The following UBE2R2 variants were observed in gnomAD, a reference collection of about 807,000 sequenced individuals.
UBE2R2 encodes ubiquitin conjugating enzyme E2 R2, also known as ubiquitin-conjugating enzyme E2 R2.
A neutral mutation model predicts 27.8 loss-of-function variants in UBE2R2; 1 was observed. That is an observed-to-expected ratio of 0.04 (90% CI 0.01 to 0.17). UBE2R2 has a LOEUF of 0.17. Ranked by LOEUF, UBE2R2 falls within the 10% of genes least tolerant of loss-of-function variation. The probability of loss-of-function intolerance (pLI) is 1.00; values close to 1 mark genes in which losing one functional copy is unlikely to be tolerated. For missense variants in UBE2R2, 100 were observed against 291.0 expected (o/e 0.34, Z 4.78); for synonymous variants, 106 against 113.3 (o/e 0.94, Z 0.41).
At chr9:33,848,550 G>T (rs1156853484) in intron 1 of UBE2R2, among the ~76,000 whole-genome samples, 1 of 151,972 alleles carries the variant, frequency 6.6e-6, no homozygotes, top group African/African-American at 2.4e-5. Context: ...AGTTTCAAAA[G>T]ACTACAGAAG....
At chr9:33,916,709 A>G (rs1587488176) in intron 4 of UBE2R2, among the ~76,000 whole-genome samples, 1 of 152,312 alleles carries the variant, frequency 6.6e-6, no homozygotes, top group East Asian at 1.9e-4. Context: ...TCGCCGACCT[A>G]TTGGCCCTTA....
intron 1 of UBE2R2, among the ~76,000 whole-genome samples, chr9:33,861,909 A>T (rs1342207532): frequency 7.3e-6 from 1 of 136,274 alleles, no homozygotes; most frequent in Non-Finnish European, 1.5e-5. Context: ...GCTGGAGTGC[A>T]GTGGCACGAT....
At chr9:33,844,096 T>C (rs919323980) in intron 1 of UBE2R2, among the ~76,000 whole-genome samples, 15 of 152,220 alleles carry the variant, frequency 9.9e-5, no homozygotes, top group African/African-American at 3.6e-4. Context: ...TACCTGCTGA[T>C]GAATAATACA....
intron 1 of UBE2R2, among the ~76,000 whole-genome samples, chr9:33,849,160 G>A (rs988952724): frequency 2.6e-5 from 4 of 152,092 alleles, no homozygotes; most frequent in African/African-American, 9.7e-5. Context: ...GGGAGGCTGA[G>A]ACAGGAGAAT....
chr9:33,872,853 C>T (rs957749583), intron 1 of UBE2R2, among the ~76,000 whole-genome samples: 1 of 151,604 alleles, frequency 6.6e-6, no homozygotes, highest in Non-Finnish European at 1.5e-5. Flanking sequence ...AGTACACTTG[C>T]TTAACGGTTT....
At chr9:33,819,154 T>TC (rs1245256806) in intron 1 of UBE2R2, among the ~76,000 whole-genome samples, 1 of 152,130 alleles carries the variant, frequency 6.6e-6, no homozygotes, top group Non-Finnish European at 1.5e-5. Flanking sequence ...GGCCAGTGAG[T>TC]CAATTTTAGT....
rs1352211625 is a variant in UBE2R2 at position 33,919,951 on chromosome 9, CCTTTT to C, written c.*2715_*2719del. ...GATTCTTTCAGTCTTCCCCCCTTCTCCTTTTATCAATCATTCCAGAGTTATTTTCT... is the reference window on the plus strand; with the variant it reads ...GATTCTTTCAGTCTTCCCCCCTTCTCATCAATCATTCCAGAGTTATTTTCT... On this transcript the variant is annotated 3_prime_UTR_variant, in exon 5 of 5. Transcript: ENST00000263228. The C allele has an allele frequency of 1.3e-5, 2 of 152,188 alleles. No individual in the cohort carries two copies. The highest frequency in any genetic ancestry group is 2.9e-5 in the Non-Finnish European group (2 of 68,030). The allele number at this position is 152,188 out of a possible 1,614,324, so 9.4% of individuals were successfully genotyped here. A position where few individuals can be genotyped will look rare whatever the true frequency, so the allele number is the denominator to read the frequency against.
intron 1 of UBE2R2, among the ~76,000 whole-genome samples, chr9:33,874,108 C>T (rs888341355): frequency 4.6e-5 from 7 of 151,848 alleles, no homozygotes; most frequent in South Asian, 2.1e-4. Flanking sequence ...CTGCCATGCC[C>T]GGCTAATTTT....
chr9:33,895,303 G>A (rs765905394), intron 2 of UBE2R2, among the ~76,000 whole-genome samples: 1 of 152,112 alleles, frequency 6.6e-6, no homozygotes, highest in Non-Finnish European at 1.5e-5. Flanking sequence ...TTATTGAAGA[G>A]TCTGTTTTTT....
intron 1 of UBE2R2, among the ~76,000 whole-genome samples, chr9:33,871,618 A>C (rs1463307381): frequency 6.6e-6 from 1 of 152,248 alleles, no homozygotes; most frequent in African/African-American, 2.4e-5. Flanking sequence ...ATTAGTCAAA[A>C]AAGATGTAAG....
chr9:33,911,905 A>G, intron 3 of UBE2R2, 59 bp from the exon 4 acceptor site: 2 of 1,483,070 alleles, frequency 1.3e-6, no homozygotes, highest in South Asian at 1.4e-5. Context: ...AAAAAGCAGA[A>G]TACTTTTAAA....
intron 1 of UBE2R2, among the ~76,000 whole-genome samples, chr9:33,876,271 G>A (rs1348318046): frequency 2.6e-5 from 4 of 152,148 alleles, no homozygotes; most frequent in Non-Finnish European, 5.9e-5. Flanking sequence ...CAGGAGAATT[G>A]CTTGAACCCG....
At chr9:33,862,541 A>G (rs1395257228) in intron 1 of UBE2R2, among the ~76,000 whole-genome samples, 2 of 152,124 alleles carry the variant, frequency 1.3e-5, no homozygotes, top group Admixed American at 1.3e-4. Flanking sequence ...TCCCACTAGT[A>G]TGCACAAAAA....
At position 33,920,397 on chromosome 9, in the gene UBE2R2, C is replaced by T. The variant is rs1021111070; in HGVS notation, c.*3160C>T. The T allele has an allele frequency of 6.6e-6, 1 of 152,146 alleles. No homozygotes were observed. The highest frequency in any genetic ancestry group is 2.4e-5 in the African/African-American group (1 of 41,412). The allele number at this position is 152,146 out of a possible 1,614,324, so 9.4% of individuals were successfully genotyped here. A position where few individuals can be genotyped will look rare whatever the true frequency, so the allele number is the denominator to read the frequency against. On this transcript the variant is annotated 3_prime_UTR_variant, in exon 5 of 5. Transcript: ENST00000263228. ...ATAAAATACCTGTATTGCTACTTCC[C>T]CATGAAATGACCCTCTTCTTTTTTT...
chr9:33,871,606 G>A (rs537119345), intron 1 of UBE2R2, among the ~76,000 whole-genome samples: 28 of 152,220 alleles, frequency 1.8e-4, no homozygotes, highest in South Asian at 1.2e-3. Context: ...ATGAGTTTGC[G>A]TATTAGTCAA....
At chr9:33,865,118 C>T (rs935422934) in intron 1 of UBE2R2, among the ~76,000 whole-genome samples, 1 of 152,180 alleles carries the variant, frequency 6.6e-6, no homozygotes, top group African/African-American at 2.4e-5. Context: ...ACCTTGACCT[C>T]CCAAAGTGCT....
chr9:33,910,639 T>C (rs545843717), intron 3 of UBE2R2, among the ~76,000 whole-genome samples: 3 of 152,350 alleles, frequency 2.0e-5, no homozygotes, highest in East Asian at 1.9e-4. Flanking sequence ...AGTAGGTACA[T>C]AGTAAATACT....
In UBE2R2 at chr9:33,817,854, G is replaced by C. The variant is rs562704491; in HGVS notation, c.97G>C (p.Val33Leu). The change falls in exon 1 of 5, where the codon GTG becomes CTG. Residue 33 changes from valine to leucine, a missense_variant. Coordinates refer to ENST00000263228, the MANE Select transcript of UBE2R2 (RefSeq NM_017811.4). Reference protein sequence around the residue: ...EPVEGFRITLVDESDLYNWEV... With the variant: ...EPVEGFRITLLDESDLYNWEV... ...GGTGGAGGGCTTCCGGATCACCCTG[G>C]TGGACGAGTCCGACCTCTACAACTG... The C allele has an allele frequency of 1.2e-6, 2 of 1,612,186 alleles. No homozygotes were observed. Among genetic ancestry groups the C allele is most frequent in the African/African-American group, 1.3e-5 (1 of 74,808 alleles).
upstream of UBE2R2, among the ~76,000 whole-genome samples, chr9:33,816,292 C>A (rs1435111157): frequency 6.6e-6 from 1 of 152,118 alleles, no homozygotes; most frequent in Non-Finnish European, 1.5e-5. Flanking sequence ...CAAAGACTGT[C>A]CCCACATCTC....
Sources: gnomAD v4.1 joint callset for allele counts (sites outside exome capture counted in the v4.1 genomes callset) on GRCh38, gnomAD v4.1.1 for gene constraint, MANE v1.5 for transcripts, NCBI Gene and HGNC (gene_info 2026-07-23, HGNC 2026-07-21) for gene names.